Variants in C19orf38 observed in about 807,000 individuals in gnomAD.
C19orf38 encodes chromosome 19 open reading frame 38, also known as protein HIDE1.
Under a neutral mutation model 26.6 loss-of-function variants are expected in C19orf38, and 14 were observed. The ratio of observed to expected loss-of-function variants is 0.53; its 90% CI spans 0.35 to 0.82. The LOEUF (loss-of-function observed/expected upper bound fraction) is 0.82. Ranked by LOEUF, C19orf38 falls within the 40% of genes least tolerant of loss-of-function variation. The pLI, the probability that C19orf38 is intolerant of heterozygous loss-of-function variation, is 0.01. For missense variants in C19orf38, 261 were observed against 299.5 expected (o/e 0.87, Z 0.95); for synonymous variants, 132 against 128.5 (o/e 1.03, Z -0.18).
Position 10,869,760 on chromosome 19 carries a change from A to C in C19orf38, c.*393A>C. 1.0e-5 allele frequency: 2 copies of C among 192,690 alleles called. No individual in the cohort carries two copies. Among genetic ancestry groups the C allele is most frequent in the Non-Finnish European group, 2.1e-5 (2 of 95,624 alleles). The allele number at this position is 192,690 out of a possible 1,614,324, so 11.9% of individuals were successfully genotyped here. A position where few individuals can be genotyped will look rare whatever the true frequency, so the allele number is the denominator to read the frequency against. ...GTGTGTCTGCCTGCTGGCTTGCTTA[A>C]GTTATTAATTATAACACGGGTCAAG... On this transcript the variant is annotated 3_prime_UTR_variant, in exon 7 of 7. Coordinates refer to ENST00000397820, the MANE Select transcript of C19orf38 (RefSeq NM_001136482.3).
At chr19:10,857,364 ATATTTT>A (rs1392568785) in intron 3 of C19orf38, among the ~76,000 whole-genome samples, 16 of 78,200 alleles carry the variant, frequency 2.0e-4, no homozygotes, top group Non-Finnish European at 2.9e-4. Flanking sequence ...ATATATATAT[ATATTTT>A]TTTTTTTTTT....
intron 4 of C19orf38, among the ~76,000 whole-genome samples, chr19:10,859,572 C>T (rs889598787): frequency 2.6e-5 from 4 of 151,062 alleles, no homozygotes; most frequent in African/African-American, 4.9e-5. Flanking sequence ...TTAGTAGAGA[C>T]GGGGTTTCAC....
chr19:10,859,377 TA>T (rs1568337670), intron 4 of C19orf38, among the ~76,000 whole-genome samples: 514 of 41,882 alleles, frequency 0.012, 7 homozygotes, highest in African/African-American at 0.051. Context: ...TATATATATA[TA>T]TATATATTTT....
At chr19:10,859,284 GTGTGTGTATA>G (rs1353078342) in intron 4 of C19orf38, among the ~76,000 whole-genome samples, 1 of 133,754 alleles carries the variant, frequency 7.5e-6, no homozygotes, top group African/African-American at 2.9e-5. Context: ...GTGTGTATGT[GTGTGTGTATA>G]TGTGTGTGTG....
intron 5 of C19orf38, among the ~76,000 whole-genome samples, chr19:10,862,069 T>G (rs2073703892): frequency 6.6e-6 from 1 of 151,658 alleles, no homozygotes; most frequent in Non-Finnish European, 1.5e-5. Flanking sequence ...CGGCTAATTT[T>G]TTGTATTTTT....
At chr19:10,868,796 G>A (rs1360531820) in intron 6 of C19orf38, among the ~76,000 whole-genome samples, 2 of 152,216 alleles carry the variant, frequency 1.3e-5, no homozygotes, top group Non-Finnish European at 2.9e-5. Flanking sequence ...GTGAGCCACT[G>A]GGCCCAACAG....
chr19:10,869,116 G>T, intron 6 of C19orf38, 102 bp from the exon 7 acceptor site: 1 of 1,451,300 alleles, frequency 6.9e-7, no homozygotes, highest in Non-Finnish European at 9.4e-7. Context: ...GATGAGAGGA[G>T]ACCTGCTGGG....
chr19:10,867,641 C>CTTTTTTTT (rs953156656), intron 6 of C19orf38, among the ~76,000 whole-genome samples: 2 of 58,840 alleles, frequency 3.4e-5, no homozygotes, highest in African/African-American at 6.6e-5. Flanking sequence ...GAAGAACATT[C>CTTTTTTTT]TTTTTTTTTT....
At chr19:10,844,847 C>CAA (rs36112084), upstream of C19orf38, among the ~76,000 whole-genome samples, 22 of 63,436 alleles carry the variant, frequency 3.5e-4, no homozygotes, top group East Asian at 3.3e-3. Flanking sequence ...GATTCCATCT[C>CAA]AAAAAAAAAA....
chr19:10,851,050 A>G (rs912555053), intron 2 of C19orf38, among the ~76,000 whole-genome samples: 3 of 152,090 alleles, frequency 2.0e-5, no homozygotes, highest in Non-Finnish European at 2.9e-5. Flanking sequence ...TCTTGGCCAC[A>G]TACTTTTTTT....
intron 1 of C19orf38, among the ~76,000 whole-genome samples, chr19:10,849,695 A>G (rs915376958): frequency 1.3e-5 from 2 of 151,626 alleles, no homozygotes; most frequent in Non-Finnish European, 2.9e-5. Flanking sequence ...TCTCTAAATA[A>G]ATAAATAAAG....
At chr19:10,842,264 C>CTT (rs879724272) in intron 1 of C19orf38, 1,024 of 875,226 alleles carry the variant, frequency 1.2e-3, no homozygotes, top group Middle Eastern at 1.4e-3. Context: ...GAATAAAATA[C>CTT]TTTTTTTTTT....
chr19:10,853,293 A>AC (rs772968523), intron 2 of C19orf38, among the ~76,000 whole-genome samples: 2 of 151,362 alleles, frequency 1.3e-5, no homozygotes, highest in African/African-American at 2.4e-5. Context: ...CAGTGGTGTG[A>AC]CCCCAGCTCA....
At chr19:10,858,242 A>AAC (rs2073651466) in intron 3 of C19orf38, 74 bp from the exon 4 acceptor site, 1 of 1,215,700 alleles carries the variant, frequency 8.2e-7, no homozygotes, top group Non-Finnish European at 1.1e-6. Context: ...AAAAAAAAAA[A>AAC]AAAAAAAAAA....
chr19:10,845,874 G>A (rs1408473450), upstream of C19orf38, among the ~76,000 whole-genome samples: 2 of 136,504 alleles, frequency 1.5e-5, no homozygotes, highest in Non-Finnish European at 3.1e-5. Context: ...GCAAGACTCC[G>A]TCAAAAAAAA....
chr19:10,839,643 GT>G (rs1242503928), intron 1 of C19orf38, among the ~76,000 whole-genome samples: 4 of 151,758 alleles, frequency 2.6e-5, no homozygotes, highest in Admixed American at 2.0e-4. Context: ...TGTTTCTAGG[GT>G]TAGACCATGT....
intron 6 of C19orf38, among the ~76,000 whole-genome samples, chr19:10,865,212 C>T (rs1481631589): frequency 6.6e-6 from 1 of 151,862 alleles, no homozygotes; most frequent in Non-Finnish European, 1.5e-5. Flanking sequence ...AGTGCAGTGG[C>T]TTGATCTCAC....
chr19:10,857,545 C>G (rs1165242786), intron 3 of C19orf38, among the ~76,000 whole-genome samples: 1 of 150,086 alleles, frequency 6.7e-6, no homozygotes, highest in African/African-American at 2.4e-5. Context: ...TCCCGAGTAG[C>G]TGGGACTACA....
chr19:10,848,351 C>T (rs977157835), upstream of C19orf38: 1 of 738,588 alleles, frequency 1.4e-6, no homozygotes, highest in African/African-American at 1.7e-5. Context: ...CTTTCAGTGC[C>T]CAAGCCTGTG....
Sources: allele counts gnomAD v4.1 joint callset (sites outside exome capture counted in the v4.1 genomes callset), GRCh38; gene constraint gnomAD v4.1.1; transcripts MANE v1.5; gene names NCBI Gene and HGNC (gene_info 2026-07-23, HGNC 2026-07-21).